The following DRC8 variants were observed in gnomAD, a reference collection of about 807,000 sequenced individuals.
The protein encoded by DRC8 is dynein regulatory complex protein 8.
the DRC8 span, among the ~76,000 whole-genome samples, chr1:245,111,054 G>A: frequency 1.3e-5 from 2 of 152,076 alleles, no homozygotes; most frequent in African/African-American, 2.4e-5. Flanking sequence ...TGAAAACCTG[G>A]TTTCACAATC....
At chr1:245,022,073 G>A in the DRC8 span, among the ~76,000 whole-genome samples, 3 of 151,556 alleles carry the variant, frequency 2.0e-5, no homozygotes, top group Non-Finnish European at 2.9e-5. Flanking sequence ...GAAAGCTAGC[G>A]CCTTGAAAAA....
At chr1:245,120,789 A>T in the DRC8 span, among the ~76,000 whole-genome samples, 1 of 152,258 alleles carries the variant, frequency 6.6e-6, no homozygotes. Context: ...TTCAATGGGA[A>T]GGCACCTCGG....
At chr1:245,105,638 AC>A in the DRC8 span, among the ~76,000 whole-genome samples, 3 of 150,316 alleles carry the variant, frequency 2.0e-5, no homozygotes, top group Admixed American at 1.3e-4. Context: ...AAAAAAAAAA[AC>A]AAAAAACAAA....
the DRC8 span, among the ~76,000 whole-genome samples, chr1:245,012,658 A>G: frequency 3.9e-5 from 6 of 152,108 alleles, no homozygotes; most frequent in African/African-American, 1.4e-4. Flanking sequence ...TGTGACTTAC[A>G]TGACGAACCT....
chr1:244,975,073 G>A, the DRC8 span, among the ~76,000 whole-genome samples: 6 of 152,280 alleles, frequency 3.9e-5, no homozygotes, highest in South Asian at 1.0e-3. Context: ...TGGGACTACA[G>A]GTGCCTGCCA....
At chr1:245,056,935 C>CA in the DRC8 span, among the ~76,000 whole-genome samples, 18 of 111,444 alleles carry the variant, frequency 1.6e-4, no homozygotes, top group African/African-American at 5.3e-4. Context: ...GACTCCATCT[C>CA]AAAAAAAAAA....
At chr1:245,099,983 G>A in the DRC8 span, among the ~76,000 whole-genome samples, 3 of 152,140 alleles carry the variant, frequency 2.0e-5, no homozygotes, top group African/African-American at 7.2e-5. Flanking sequence ...CAAATGTAAG[G>A]CATTATTTTA....
At chr1:244,974,198 A>G in the DRC8 span, among the ~76,000 whole-genome samples, 1 of 152,100 alleles carries the variant, frequency 6.6e-6, no homozygotes, top group South Asian at 2.1e-4. Flanking sequence ...AGTCAATGCA[A>G]TTGTTGATTC....
the DRC8 span, among the ~76,000 whole-genome samples, chr1:245,104,200 C>T: frequency 6.6e-6 from 1 of 152,182 alleles, no homozygotes; most frequent in Non-Finnish European, 1.5e-5. Context: ...GAAATGTTAA[C>T]CCTTAAAGAG....
chr1:245,031,519 C>T, the DRC8 span, among the ~76,000 whole-genome samples: 5 of 151,912 alleles, frequency 3.3e-5, no homozygotes, highest in African/African-American at 1.2e-4. Flanking sequence ...AATTATGGAA[C>T]CACAAGATGG....
chr1:245,003,269 C>T, the DRC8 span, among the ~76,000 whole-genome samples: 5 of 152,092 alleles, frequency 3.3e-5, no homozygotes, highest in East Asian at 1.9e-4. Context: ...AGTATCTGTT[C>T]GAGTTCCCAC....
the DRC8 span, among the ~76,000 whole-genome samples, chr1:245,115,445 GA>G: frequency 6.6e-6 from 1 of 152,258 alleles, no homozygotes; most frequent in Non-Finnish European, 1.5e-5. Context: ...TCCCTTCTGG[GA>G]AGGTGCACTT....
At chr1:245,056,381 C>T in the DRC8 span, among the ~76,000 whole-genome samples, 3 of 152,140 alleles carry the variant, frequency 2.0e-5, no homozygotes, top group African/African-American at 7.2e-5. Context: ...CTGCAACCTC[C>T]GCCTCCTGCG....
chr1:245,084,270 A>T, the DRC8 span, among the ~76,000 whole-genome samples: 2 of 151,748 alleles, frequency 1.3e-5, no homozygotes, highest in African/African-American at 4.8e-5. Context: ...TTTAGTAGAG[A>T]TGGGTTTCAC....
At chr1:244,995,139 G>T in the DRC8 span, among the ~76,000 whole-genome samples, 1 of 151,974 alleles carries the variant, frequency 6.6e-6, no homozygotes, top group African/African-American at 2.4e-5. Context: ...AAGGCGGGCA[G>T]ATCATGAAAT....
the DRC8 span, chr1:245,002,055 C>T: frequency 9.3e-6 from 12 of 1,289,580 alleles, no homozygotes; most frequent in East Asian, 1.0e-4. Flanking sequence ...TTTTTCATCA[C>T]GTAATCACTC....
chr1:244,974,498 C>T, the DRC8 span, among the ~76,000 whole-genome samples: 1 of 152,152 alleles, frequency 6.6e-6, no homozygotes, highest in Non-Finnish European at 1.5e-5. Context: ...TTATCACCTC[C>T]TAAATGGAAG....
the DRC8 span, among the ~76,000 whole-genome samples, chr1:244,994,546 C>T: frequency 1.3e-5 from 2 of 152,184 alleles, no homozygotes; most frequent in African/African-American, 4.8e-5. Context: ...TCTCCTGCCT[C>T]AGCCTCCCAA....
the DRC8 span, among the ~76,000 whole-genome samples, chr1:245,041,624 C>T: frequency 1.3e-5 from 2 of 152,126 alleles, no homozygotes; most frequent in African/African-American, 4.8e-5. Context: ...AAGTCTTAAC[C>T]TCCAGTATAC....
Sources: gnomAD v4.1 joint callset for allele counts (sites outside exome capture counted in the v4.1 genomes callset) on GRCh38, gnomAD v4.1.1 for gene constraint, MANE v1.5 for transcripts, NCBI Gene and HGNC (gene_info 2026-07-23, HGNC 2026-07-21) for gene names.